The following NR3C1 variants were observed in gnomAD, a reference collection of about 807,000 sequenced individuals.
The protein encoded by NR3C1 is nuclear receptor subfamily 3 group C member 1.
Under a neutral mutation model 74.0 loss-of-function variants are expected in NR3C1, and 14 were observed. That is an observed-to-expected ratio of 0.19 (90% CI 0.12 to 0.30). The LOEUF is 0.30. NR3C1 is among the 10% of genes least tolerant of loss of function. NR3C1 has a pLI of 1.00. For synonymous variants in NR3C1, 308 were observed against 332.5 expected, an observed-to-expected ratio of 0.93 and a Z score of 0.80; for missense variants, 695 against 909.8, an observed-to-expected ratio of 0.76 and a Z score of 3.04.
intron 7 of NR3C1, among the ~76,000 whole-genome samples, chr5:143,289,329 A>G (rs2151504775): frequency 6.6e-6 from 1 of 152,326 alleles, no homozygotes; most frequent in Admixed American, 6.5e-5. Context: ...ATTTTCTACA[A>G]AATTGCCAAG....
intron 2 of NR3C1, among the ~76,000 whole-genome samples, chr5:143,321,092 G>A (rs1364161570): frequency 6.6e-6 from 1 of 152,200 alleles, no homozygotes; most frequent in East Asian, 1.9e-4. Context: ...ACACATAAGA[G>A]CATACAAGGA....
chr5:143,343,906 A>G (rs1828716686), intron 2 of NR3C1, among the ~76,000 whole-genome samples: 1 of 152,218 alleles, frequency 6.6e-6, no homozygotes, highest in Admixed American at 6.5e-5. Context: ...TCATAGATAA[A>G]TGAACTGCAA....
At chr5:143,317,450 T>G (rs1486160311) in intron 2 of NR3C1, among the ~76,000 whole-genome samples, 1 of 152,174 alleles carries the variant, frequency 6.6e-6, no homozygotes. Context: ...CTGAGAATGT[T>G]AAGAAGTTCC....
At chr5:143,404,032 T>C (rs1290674104), upstream of NR3C1, 4 of 985,150 alleles carry the variant, frequency 4.1e-6, no homozygotes, top group African/African-American at 7.0e-5. Flanking sequence ...GTTTCTCCAG[T>C]TTCTTTTCTC....
chr5:143,281,542 T>G lies in NR3C1; in HGVS notation c.*347A>C. The G allele has an allele frequency of 3.9e-6, 1 of 253,170 alleles. No homozygotes were observed. Among genetic ancestry groups the G allele is most frequent in the Non-Finnish European group, 7.7e-6 (1 of 129,276 alleles). 15.7% of individuals were successfully genotyped at this position (253,170 alleles called of 1,614,324 possible). Reference sequence around the variant, plus strand: ...ATCCAGCCAACTGTGAAAAAAAGTATGAAGAGAAAGTTCATCACACAGACT... The same window carrying G: ...ATCCAGCCAACTGTGAAAAAAAGTAGGAAGAGAAAGTTCATCACACAGACT... On this transcript the variant is annotated 3_prime_UTR_variant, in exon 9 of 9. Transcript: ENST00000394464.
At chr5:143,359,755 TA>T (rs1159387178) in intron 2 of NR3C1, among the ~76,000 whole-genome samples, 4 of 151,874 alleles carry the variant, frequency 2.6e-5, no homozygotes, top group African/African-American at 9.7e-5. Flanking sequence ...CCATCTCTAC[TA>T]AAAATACAAA....
At chr5:143,334,662 TA>T (rs1340868394) in intron 2 of NR3C1, among the ~76,000 whole-genome samples, 6 of 147,602 alleles carry the variant, frequency 4.1e-5, no homozygotes, top group Non-Finnish European at 8.9e-5. Flanking sequence ...CTTGTTTTGA[TA>T]AAGACTTGAA....
At chr5:143,374,145 T>C (rs1441419855) in intron 2 of NR3C1, among the ~76,000 whole-genome samples, 13 of 152,152 alleles carry the variant, frequency 8.5e-5, no homozygotes, top group Admixed American at 2.6e-4. Flanking sequence ...CAGCTCCAGA[T>C]TGGCTTGGGG....
chr5:143,402,555 T>A (rs762316544), intron 1 of NR3C1: 6 of 972,748 alleles, frequency 6.2e-6, no homozygotes, highest in Non-Finnish European at 7.3e-6. Flanking sequence ...GGGGCGGGGG[T>A]GGAGAAGAGA....
chr5:143,335,904 A>G (rs1043326955), intron 2 of NR3C1, among the ~76,000 whole-genome samples: 1 of 152,236 alleles, frequency 6.6e-6, no homozygotes, highest in African/African-American at 2.4e-5. Flanking sequence ...GGTTTATCAC[A>G]TGGATCCTTA....
intron 2 of NR3C1, among the ~76,000 whole-genome samples, chr5:143,397,395 A>T (rs551248426): frequency 1.3e-5 from 2 of 151,914 alleles, no homozygotes; most frequent in African/African-American, 2.4e-5. Flanking sequence ...GGCTACAGTC[A>T]TGTAACATAT....
chr5:143,344,420 CTTATGCA>C (rs1437966133), intron 2 of NR3C1, among the ~76,000 whole-genome samples: 1 of 152,098 alleles, frequency 6.6e-6, no homozygotes, highest in Non-Finnish European at 1.5e-5. Flanking sequence ...TTACAAAAAC[CTTATGCA>C]TTATTACTAG....
In NR3C1 at chr5:143,308,580, T is replaced by TAAGA. The variant is rs371135713; in HGVS notation, c.1468+1513_1468+1516dup. On this transcript the variant is annotated intron_variant, in intron 4 of 8. Coordinates refer to ENST00000394464, the MANE Select transcript of NR3C1 (RefSeq NM_000176.3). ...TATTCACTTAATTGGTCTCTCCATG[T>TAAGA]AAGATTAGTCTTTGTAAAATACAAA... Among the ~76,000 whole-genome samples the TAAGA allele has an allele frequency of 2.2e-3, 339 of 152,352 alleles. 2 individuals are homozygous for TAAGA. In the Middle Eastern group the frequency reaches 0.027, roughly 12 times the overall value.
At position 143,403,617 on chromosome 5, in the gene NR3C1, G is replaced by A. The variant is rs1044635102; in HGVS notation, c.-420C>T. On this transcript the variant is annotated 5_prime_UTR_variant, in exon 1 of 9. Transcript: ENST00000394464. ...GAGGCGGCGGCGGAGGGAAGAGAGC[G>A]CGGACACGCGAAAGGGCAGCCCGGC... is the stretch of plus-strand genomic sequence containing the variant. 5.1e-6 allele frequency: 5 copies of A among 986,308 alleles called. No individual in the cohort carries two copies. In the South Asian group the frequency reaches 1.4e-4, roughly 28 times the overall value. The allele number at this position is 986,308 out of a possible 1,614,324, so 61.1% of individuals were successfully genotyped here. A position where few individuals can be genotyped will look rare whatever the true frequency, so the allele number is the denominator to read the frequency against.
chr5:143,411,349 T>C (rs1841285374), intron 1 of NR3C1, among the ~76,000 whole-genome samples: 1 of 152,206 alleles, frequency 6.6e-6, no homozygotes, highest in African/African-American at 2.4e-5. Flanking sequence ...TGAGGAAATA[T>C]TTTTCTAGTA....
At position 143,399,646 on chromosome 5, in the gene NR3C1, C is replaced by T. The variant is rs1157699640; in HGVS notation, c.1184+10G>A. 2 of 1,576,430 alleles carry T rather than the reference C, an allele frequency of 1.3e-6. No homozygotes were observed. The highest frequency in any genetic ancestry group is 2.2e-5 in the South Asian group (2 of 90,358). On this transcript the variant is annotated intron_variant, in intron 2 of 8. Coordinates refer to ENST00000394464, the MANE Select transcript of NR3C1 (RefSeq NM_000176.3). Reference sequence around the variant, plus strand: ...ACCATTCTTAAGAAACAGAAAAACACTGATCTTACCTTGAATAGCCATTAG... The same window carrying T: ...ACCATTCTTAAGAAACAGAAAAACATTGATCTTACCTTGAATAGCCATTAG...
chr5:143,405,377 A>T (rs1841049204), upstream of NR3C1: 1 of 984,194 alleles, frequency 1.0e-6, no homozygotes, highest in Non-Finnish European at 1.2e-6. Flanking sequence ...CTGCTCTGAC[A>T]TCTTGAAGAC....
intron 2 of NR3C1, among the ~76,000 whole-genome samples, chr5:143,354,084 C>T (rs147774882): frequency 7.9e-5 from 12 of 152,232 alleles, no homozygotes; most frequent in African/African-American, 2.4e-4. Flanking sequence ...CCTCATCAAC[C>T]GACCTCTGCT....
At chr5:143,302,817 A>G (rs567486957) in intron 4 of NR3C1, among the ~76,000 whole-genome samples, 1 of 152,188 alleles carries the variant, frequency 6.6e-6, no homozygotes, top group South Asian at 2.1e-4. Flanking sequence ...AGCAATCACT[A>G]TTTTAAAGCA....
Sources: gnomAD v4.1 joint callset for allele counts (sites outside exome capture counted in the v4.1 genomes callset) on GRCh38, gnomAD v4.1.1 for gene constraint, MANE v1.5 for transcripts, NCBI Gene and HGNC (gene_info 2026-07-23, HGNC 2026-07-21) for gene names.